AKAP6: variants seen among roughly 807,000 people sequenced by gnomAD.
AKAP6 encodes A-kinase anchoring protein 6.
In AKAP6, 58 loss-of-function variants were observed where a neutral mutation model predicts 188.5. The ratio of observed to expected loss-of-function variants is 0.31; its 90% confidence interval spans 0.25 to 0.38. The LOEUF is 0.38. Ranked by LOEUF, AKAP6 falls within the 10% of genes least tolerant of loss-of-function variation. The pLI is 1.00. For synonymous variants in AKAP6, 989 were observed against 998.6 expected, an observed-to-expected ratio of 0.99 and a Z score of 0.18; for missense variants, 2,710 against 2,740.0, an observed-to-expected ratio of 0.99 and a Z score of 0.24.
chr14:32,586,600 C>T (rs756981530), intron 5 of AKAP6, among the ~76,000 whole-genome samples: 1 of 152,190 alleles, frequency 6.6e-6, no homozygotes, highest in Non-Finnish European at 1.5e-5. Flanking sequence ...CACTGCACTC[C>T]AGCCTGGGCG....
chr14:32,819,811 G>A (rs117511480), intron 12 of AKAP6, among the ~76,000 whole-genome samples: 7,328 of 152,076 alleles, frequency 0.048, 261 homozygotes, highest in Non-Finnish European at 0.074. Context: ...AGCCAGGTAC[G>A]GTGGCACGCA....
At chr14:32,548,641 AGACT>A (rs560489104) in intron 4 of AKAP6, among the ~76,000 whole-genome samples, 1 of 152,186 alleles carries the variant, frequency 6.6e-6, no homozygotes, top group South Asian at 2.1e-4. Context: ...ACAGATAGAC[AGACT>A]GACAGACAGA....
At chr14:32,722,191 G>A (rs1395565574) in intron 9 of AKAP6, among the ~76,000 whole-genome samples, 1 of 152,056 alleles carries the variant, frequency 6.6e-6, no homozygotes, top group Non-Finnish European at 1.5e-5. Flanking sequence ...TGACCCTTGG[G>A]GAAGTATTGA....
intron 1 of AKAP6, among the ~76,000 whole-genome samples, chr14:32,361,052 A>G (rs1305523183): frequency 8.2e-6 from 1 of 121,532 alleles, no homozygotes; most frequent in Non-Finnish European, 1.6e-5. Flanking sequence ...CAAGGCCTGA[A>G]CATACATATA....
chr14:32,691,966 T>C (rs1422890164), intron 8 of AKAP6, among the ~76,000 whole-genome samples: 1 of 152,252 alleles, frequency 6.6e-6, no homozygotes, highest in Admixed American at 6.5e-5. Flanking sequence ...CAGGCACAAA[T>C]ACTTTTAAGA....
At chr14:32,559,209 G>A (rs1382801526) in intron 4 of AKAP6, among the ~76,000 whole-genome samples, 1 of 152,142 alleles carries the variant, frequency 6.6e-6, no homozygotes, top group African/African-American at 2.4e-5. Context: ...AAAATTAAGA[G>A]GCCAGGAAGA....
intron 11 of AKAP6, among the ~76,000 whole-genome samples, chr14:32,767,916 T>G (rs965783677): frequency 1.3e-5 from 2 of 152,198 alleles, no homozygotes; most frequent in Non-Finnish European, 2.9e-5. Context: ...TACAACCTGA[T>G]GGTCTTACAG....
In AKAP6 at chr14:32,777,677, G is replaced by A. The variant is rs556675502; in HGVS notation, c.3588+3784G>A. On this transcript the variant is annotated intron_variant, in intron 12 of 13. Coordinates refer to ENST00000280979, the MANE Select transcript of AKAP6 (RefSeq NM_004274.5). ...AAAGACAGAGCAAAATAAAATCAGAGCATCAGTGAGCTCTGAGGTATCTTC... is the reference window on the plus strand; with the variant it reads ...AAAGACAGAGCAAAATAAAATCAGAACATCAGTGAGCTCTGAGGTATCTTC... 3.3e-5 allele frequency among the ~76,000 whole-genome samples: 5 copies of A among 152,270 alleles called. No individual in the cohort carries two copies. The East Asian group carries it at 5.8e-4, about 18-fold the overall frequency.
At chr14:32,353,754 G>A (rs2138458219) in intron 1 of AKAP6, among the ~76,000 whole-genome samples, 1 of 151,044 alleles carries the variant, frequency 6.6e-6, no homozygotes, top group South Asian at 2.1e-4. Flanking sequence ...AGCAACTTCA[G>A]CAAAGTCTTA....
At chr14:32,688,946 G>A (rs1383346115) in intron 8 of AKAP6, among the ~76,000 whole-genome samples, 1 of 152,138 alleles carries the variant, frequency 6.6e-6, no homozygotes, top group Non-Finnish European at 1.5e-5. Context: ...GAAAACTAGT[G>A]AGGCCTAGAA....
chr14:32,508,799 T>A (rs563386047), intron 2 of AKAP6, among the ~76,000 whole-genome samples: 16 of 152,230 alleles, frequency 1.1e-4, no homozygotes, highest in African/African-American at 3.6e-4. Flanking sequence ...ATCTGATTAC[T>A]CTTCATTCGG....
chr14:32,708,282 T>C (rs1173500000), intron 9 of AKAP6, among the ~76,000 whole-genome samples: 1 of 151,940 alleles, frequency 6.6e-6, no homozygotes, highest in Non-Finnish European at 1.5e-5. Context: ...CAGATGAGTG[T>C]GTGCTTCCGA....
chr14:32,614,447 T>C (rs1886474319), intron 7 of AKAP6, among the ~76,000 whole-genome samples: 1 of 152,198 alleles, frequency 6.6e-6, no homozygotes, highest in African/African-American at 2.4e-5. Flanking sequence ...GCTCTTGTTT[T>C]GTGTAATTTT....
chr14:32,428,757 T>A (rs1301955319), intron 1 of AKAP6, among the ~76,000 whole-genome samples: 1 of 152,208 alleles, frequency 6.6e-6, no homozygotes, highest in Non-Finnish European at 1.5e-5. Context: ...TCTGCTAGCG[T>A]CAAGCTCCAA....
intron 11 of AKAP6, among the ~76,000 whole-genome samples, chr14:32,750,483 A>G (rs970136815): frequency 6.6e-6 from 1 of 152,038 alleles, no homozygotes; most frequent in African/African-American, 2.4e-5. Context: ...GCACTTTCGG[A>G]GACCAAAGCA....
chr14:32,514,861 A>G (rs1265423853), intron 2 of AKAP6, among the ~76,000 whole-genome samples: 2 of 152,216 alleles, frequency 1.3e-5, no homozygotes, highest in African/African-American at 4.8e-5. Context: ...GGAAAACACA[A>G]CAAAAAGGGC....
At chr14:32,687,337 G>C (rs1405575598) in intron 8 of AKAP6, among the ~76,000 whole-genome samples, 1 of 151,420 alleles carries the variant, frequency 6.6e-6, no homozygotes, top group Non-Finnish European at 1.5e-5. Context: ...CCTGCCATGG[G>C]GTGATCTTTC....
intron 8 of AKAP6, among the ~76,000 whole-genome samples, chr14:32,689,350 G>C (rs1890068501): frequency 6.6e-6 from 1 of 152,038 alleles, no homozygotes; most frequent in South Asian, 2.1e-4. Flanking sequence ...TTCAATAATA[G>C]GTGTTGGTGG....
At chr14:32,480,801 C>G (rs1353371857) in intron 2 of AKAP6, among the ~76,000 whole-genome samples, 1 of 152,176 alleles carries the variant, frequency 6.6e-6, no homozygotes, top group African/African-American at 2.4e-5. Context: ...TCTGCCCACT[C>G]AAGCCTGAAG....
Sources: gnomAD v4.1 joint callset for allele counts (sites outside exome capture counted in the v4.1 genomes callset) on GRCh38, gnomAD v4.1.1 for gene constraint, MANE v1.5 for transcripts, NCBI Gene and HGNC (gene_info 2026-07-23, HGNC 2026-07-21) for gene names.